The following ELFN1 variants were observed in gnomAD, a reference collection of about 807,000 sequenced individuals.
ELFN1 encodes protein ELFN1.
A neutral mutation model predicts 7.6 loss-of-function variants in ELFN1; 6 were observed. The ratio of observed to expected loss-of-function variants is 0.79; its 90% confidence interval spans 0.43 to 1.56. ELFN1 has a LOEUF of 1.56. Ranked by LOEUF, ELFN1 falls within the 40% of genes most tolerant of loss-of-function variation. The pLI is 0.01. For synonymous variants in ELFN1, 657 were observed against 588.1 expected, an observed-to-expected ratio of 1.12 and a Z score of -1.70; for missense variants, 1,169 against 1,232.2, an observed-to-expected ratio of 0.95 and a Z score of 0.77.
chr7:1,723,561 C>T (rs533384271), intron 3 of ELFN1, among the ~76,000 whole-genome samples: 1 of 152,220 alleles, frequency 6.6e-6, no homozygotes, highest in East Asian at 1.9e-4. Context: ...GGTCCACTCT[C>T]TCATGGACAT....
chr7:1,725,441 C>G (rs1379293153), intron 3 of ELFN1, among the ~76,000 whole-genome samples: 22 of 138,402 alleles, frequency 1.6e-4, no homozygotes, highest in African/African-American at 6.0e-4. Context: ...GAGGCGGGAG[C>G]GAGACAGACG....
In ELFN1 at chr7:1,745,558, T is replaced by G; in HGVS notation, c.962T>G (p.Val321Gly). 1 of 1,549,766 alleles carries G rather than the reference T, an allele frequency of 6.5e-7. No individual in the cohort carries two copies. The highest frequency in any genetic ancestry group is 1.4e-5 in the African/African-American group (1 of 73,114). ...GCCGAGGCCCGCCCCCTCATCAAGG[T>G]CAAGCAGCTCACTCAGAACTCGGCC... ...TQAEARPLIKVKQLTQNSATI... is the reference protein window; with the variant it reads ...TQAEARPLIKGKQLTQNSATI... Residue 321 changes from valine (V) to glycine (G), a missense_variant, in exon 4 of 4, where the codon GTC becomes GGC. Transcript: ENST00000424383.
chr7:1,675,248 A>C (rs1231501574), intron 1 of ELFN1, among the ~76,000 whole-genome samples: 1 of 152,168 alleles, frequency 6.6e-6, no homozygotes, highest in Non-Finnish European at 1.5e-5. Context: ...CTTCTGTCAG[A>C]GGGCTTGTCA....
At chr7:1,700,341 C>A (rs1307069688) in intron 2 of ELFN1, among the ~76,000 whole-genome samples, 2 of 152,206 alleles carry the variant, frequency 1.3e-5, no homozygotes, top group Admixed American at 6.5e-5. Context: ...AGGCTTCTGG[C>A]GCTTTCTTTC....
Position 1,722,265 on chromosome 7 carries a change from C to CT in ELFN1, c.-294+13032dup, listed in dbSNP as rs35253681. On this transcript the variant is annotated intron_variant, in intron 3 of 3. Transcript: ENST00000424383. ...CACAGCTAGCCCAATTTAGGAGCCA[C>CT]TTTTTTTTTTTTTTTTTTTGAGATG... Among the ~76,000 whole-genome samples the CT allele has an allele frequency of 8.3e-3, 1,123 of 135,244 alleles. 15 individuals carry two copies. Among genetic ancestry groups the CT allele is most frequent in the African/African-American group, 0.019 (688 of 36,786 alleles). The allele number at this position is 135,244 out of a possible 152,430, so 88.7% of individuals were successfully genotyped here. A position where few individuals can be genotyped will look rare whatever the true frequency, so the allele number is the denominator to read the frequency against.
At chr7:1,667,708 G>T (rs1778691075), upstream of ELFN1, among the ~76,000 whole-genome samples, 1 of 152,034 alleles carries the variant, frequency 6.6e-6, no homozygotes, top group Non-Finnish European at 1.5e-5. This position sits in a 1 kb window ranked among gnomAD's most constrained non-coding sequence, Gnocchi z 8.2. Flanking sequence ...CCCCCGCCCC[G>T]TTAACTCCGG....
chr7:1,692,250 T>G (rs897033445), intron 2 of ELFN1: 1 of 152,350 alleles, frequency 6.6e-6, no homozygotes, highest in African/African-American at 2.4e-5. Flanking sequence ...CAGATCTGTC[T>G]GGCCTGCCCT....
intron 1 of ELFN1, among the ~76,000 whole-genome samples, chr7:1,686,768 G>A (rs1368540494): frequency 6.6e-6 from 1 of 152,010 alleles, no homozygotes; most frequent in Non-Finnish European, 1.5e-5. Context: ...TGAATTGCTT[G>A]GGCCCTCTCT....
At chr7:1,685,696 A>G (rs1187538162) in intron 1 of ELFN1, among the ~76,000 whole-genome samples, 1 of 151,036 alleles carries the variant, frequency 6.6e-6, no homozygotes, top group Non-Finnish European at 1.5e-5. Flanking sequence ...AGTCACTATT[A>G]TTATCCTTTT....
intron 2 of ELFN1, chr7:1,693,710 C>T: frequency 2.1e-6 from 1 of 470,894 alleles, no homozygotes; most frequent in South Asian, 1.5e-5. Context: ...CTGTGTGCGC[C>T]ACACTCACCC....
At chr7:1,690,215 AGTT>A (rs1470303215) in intron 2 of ELFN1, among the ~76,000 whole-genome samples, 4 of 149,218 alleles carry the variant, frequency 2.7e-5, no homozygotes, top group Non-Finnish European at 5.9e-5. Context: ...ATGGATGGAT[AGTT>A]GATGGGTGAA....
At chr7:1,703,243 C>T (rs1779463976) in intron 2 of ELFN1, among the ~76,000 whole-genome samples, 1 of 152,118 alleles carries the variant, frequency 6.6e-6, no homozygotes, top group Non-Finnish European at 1.5e-5. Flanking sequence ...TTGATGTCTC[C>T]CTAATCAATT....
intron 2 of ELFN1, among the ~76,000 whole-genome samples, chr7:1,696,268 GAA>G (rs945063218): frequency 2.0e-5 from 3 of 151,030 alleles, no homozygotes; most frequent in African/African-American, 4.9e-5. Flanking sequence ...GAGAGGGAGA[GAA>G]AGAGATGGAG....
chr7:1,704,809 C>G (rs1000404399), intron 2 of ELFN1, among the ~76,000 whole-genome samples: 1 of 152,102 alleles, frequency 6.6e-6, no homozygotes, highest in Admixed American at 6.5e-5. Context: ...GAGGGCCTGC[C>G]TGCTGTATGC....
Position 1,746,782 on chromosome 7 carries a change from G to A in ELFN1, c.2186G>A (p.Gly729Asp). The change falls in exon 4 of 4, where the codon GGC (glycine) becomes GAC (aspartate). Residue 729 changes from glycine (G) to aspartate (D), a missense_variant. By Grantham distance (94) the Gly-to-Asp change is moderately conservative. Coordinates refer to ENST00000424383, the MANE Select transcript of ELFN1 (RefSeq NM_001128636.4). ...CCACCGCCGCCGCCTCCGCACGAGG[G>A]CCTGGGGCGCAAGGCGTCCATCCTG... ...PGPPPPPPHE[G>D]LGRKASILEP... The A allele has an allele frequency of 3.9e-6, 6 of 1,525,462 alleles. No homozygotes were observed. Among genetic ancestry groups the A allele is most frequent in the Non-Finnish European group, 5.3e-6 (6 of 1,140,814 alleles). The allele number at this position is 1,525,462 out of a possible 1,614,324, so 94.5% of individuals were successfully genotyped here. A position where few individuals can be genotyped will look rare whatever the true frequency, so the allele number is the denominator to read the frequency against.
chr7:1,708,010 AC>A (rs988193552), intron 2 of ELFN1, among the ~76,000 whole-genome samples: 2 of 151,522 alleles, frequency 1.3e-5, no homozygotes. Flanking sequence ...CCCAGCACCA[AC>A]CCCCCGCCTC....
intron 1 of ELFN1, among the ~76,000 whole-genome samples, chr7:1,677,146 A>G (rs1778887158): frequency 6.6e-6 from 1 of 152,216 alleles, no homozygotes; most frequent in East Asian, 1.9e-4. Flanking sequence ...TCCTATTTAT[A>G]TTCATTAGGA....
At position 1,745,638 on chromosome 7, in the gene ELFN1, T is replaced by C; in HGVS notation, c.1042T>C (p.Phe348Leu). The C allele has an allele frequency of 6.4e-7, 1 of 1,551,070 alleles. No homozygotes were observed. The highest frequency in any genetic ancestry group is 8.7e-7 in the Non-Finnish European group (1 of 1,146,940). Residue 348 changes from phenylalanine (F) to leucine (L), a missense_variant, in exon 4 of 4, where the codon TTC (phenylalanine) becomes CTC (leucine). By Grantham distance (22) the Phe-to-Leu change is conservative. Around this residue, in one of 2 missense-constraint regions of ELFN1, gnomAD observed 914 missense variants for 872.6 expected, o/e 1.05. Transcript: ENST00000424383. ...CCACCGGATGTACACCCTGGAGCAT[T>C]TCAACAACAGCAAGGCCTCCACCGT... ...PFHRMYTLEH[F>L]NNSKASTVSR...
At chr7:1,678,434 C>T (rs538133998) in intron 1 of ELFN1, among the ~76,000 whole-genome samples, 111 of 152,324 alleles carry the variant, frequency 7.3e-4, no homozygotes, top group Admixed American at 1.3e-3. Flanking sequence ...TCACACAGCC[C>T]GGAGGGAGGT....
Sources: gnomAD v4.1 joint callset for allele counts (sites outside exome capture counted in the v4.1 genomes callset) on GRCh38, gnomAD v4.1.1 for gene constraint, gnomAD v4.1.1 regional missense constraint, Gnocchi (gnomAD v3.1) non-coding constraint, MANE v1.5 for transcripts, NCBI Gene and HGNC (gene_info 2026-07-23, HGNC 2026-07-21) for gene names.